The following TENM3 variants were observed in gnomAD, a reference collection of about 807,000 sequenced individuals.
The protein encoded by TENM3 is teneurin transmembrane protein 3.
Under a neutral mutation model 255.1 loss-of-function variants are expected in TENM3, and 63 were observed. The ratio of observed to expected loss-of-function variants is 0.25; its 90% CI spans 0.20 to 0.30. The LOEUF (loss-of-function observed/expected upper bound fraction) is 0.30, where lower values mean the gene tolerates loss of function less well. Among genes scored for constraint, TENM3 ranks in the 10% least tolerant of loss-of-function variants. The probability of loss-of-function intolerance (pLI) is 1.00; values close to 1 mark genes in which losing one functional copy is unlikely to be tolerated. For missense variants in TENM3, 2,929 were observed against 3,461.1 expected (o/e 0.85, Z 3.86); for synonymous variants, 1,306 against 1,322.3 (o/e 0.99, Z 0.27).
chr4:182,683,476 ATAT>A (rs1364980355), intron 11 of TENM3, among the ~76,000 whole-genome samples: 2 of 152,160 alleles, frequency 1.3e-5, no homozygotes, highest in African/African-American at 4.8e-5. Flanking sequence ...TATTCTGCAA[ATAT>A]TATAACATCT....
the TENM3 span, among the ~76,000 whole-genome samples, chr4:181,512,807 G>T: frequency 6.6e-6 from 1 of 152,172 alleles, no homozygotes; most frequent in African/African-American, 2.4e-5. Context: ...CAGTTCCTAT[G>T]TAATGCATCA....
intron 1 of TENM3, among the ~76,000 whole-genome samples, chr4:182,235,189 A>G (rs1352779095): frequency 6.6e-6 from 1 of 152,160 alleles, no homozygotes; most frequent in Non-Finnish European, 1.5e-5. Flanking sequence ...GGGATGCCAA[A>G]CACTTGTGCT....
intron 3 of TENM3, among the ~76,000 whole-genome samples, chr4:182,544,464 G>A (rs911413384): frequency 6.6e-6 from 1 of 150,810 alleles, no homozygotes; most frequent in Non-Finnish European, 1.5e-5. Context: ...TCGAGTAGCC[G>A]GGATTACAGG....
At chr4:181,982,190 C>T in the TENM3 span, among the ~76,000 whole-genome samples, 1 of 152,082 alleles carries the variant, frequency 6.6e-6, no homozygotes, top group Admixed American at 6.6e-5. Flanking sequence ...GAGATGATTT[C>T]AGAGGAAGGA....
chr4:181,632,695 T>C, the TENM3 span, among the ~76,000 whole-genome samples: 1 of 152,274 alleles, frequency 6.6e-6, no homozygotes, highest in South Asian at 2.1e-4. Context: ...AGTAGATGTT[T>C]ATCTGGGGTA....
At chr4:182,069,873 A>C in the TENM3 span, among the ~76,000 whole-genome samples, 1 of 152,216 alleles carries the variant, frequency 6.6e-6, no homozygotes, top group Non-Finnish European at 1.5e-5. Flanking sequence ...AGGTAAGGAC[A>C]GCCAGTTAAA....
intron 1 of TENM3, among the ~76,000 whole-genome samples, chr4:182,203,217 C>CAAAA (rs1165540899): frequency 3.1e-5 from 4 of 130,796 alleles, no homozygotes; most frequent in Non-Finnish European, 6.6e-5. Context: ...AACTCCATCT[C>CAAAA]AAAAAAAAAA....
the TENM3 span, among the ~76,000 whole-genome samples, chr4:181,592,664 T>TC: frequency 8.2e-6 from 1 of 121,258 alleles, no homozygotes; most frequent in African/African-American, 2.7e-5. Flanking sequence ...AAATCTCTCT[T>TC]TTTTTTTTTT....
chr4:181,701,023 T>C, the TENM3 span, among the ~76,000 whole-genome samples: 1 of 152,150 alleles, frequency 6.6e-6, no homozygotes, highest in Non-Finnish European at 1.5e-5. Flanking sequence ...ACTACAGAGG[T>C]GAAAGTGGTG....
intron 1 of TENM3, among the ~76,000 whole-genome samples, chr4:182,214,416 CTT>C (rs1467548518): frequency 1.3e-5 from 2 of 152,100 alleles, no homozygotes; most frequent in East Asian, 3.8e-4. Context: ...GACATAAAGA[CTT>C]ATTATTTTCC....
chr4:182,613,431 T>C (rs1376513771), intron 4 of TENM3, among the ~76,000 whole-genome samples: 1 of 152,172 alleles, frequency 6.6e-6, no homozygotes, highest in Non-Finnish European at 1.5e-5. Context: ...ACAATACTTA[T>C]AATGGGATTT....
intron 22 of TENM3, among the ~76,000 whole-genome samples, chr4:182,768,427 T>C (rs1579419775): frequency 6.6e-6 from 1 of 152,204 alleles, no homozygotes; most frequent in African/African-American, 2.4e-5. Context: ...CAGATGAGCA[T>C]CTACTGAAGA....
the TENM3 span, among the ~76,000 whole-genome samples, chr4:181,767,142 CT>C: frequency 7.8e-3 from 1,151 of 147,186 alleles, 6 homozygotes; most frequent in Middle Eastern, 0.028. Context: ...GTCCCAGCTA[CT>C]CGGGAGGCTG....
At chr4:181,585,360 C>G in the TENM3 span, among the ~76,000 whole-genome samples, 5 of 152,178 alleles carry the variant, frequency 3.3e-5, no homozygotes, top group Admixed American at 2.6e-4. Flanking sequence ...TATATCGCAG[C>G]CTGAAGCTTT....
intron 22 of TENM3, among the ~76,000 whole-genome samples, chr4:182,766,780 C>T (rs867472593): frequency 2.6e-5 from 4 of 152,214 alleles, no homozygotes; most frequent in African/African-American, 9.6e-5. Flanking sequence ...GACTGCTACC[C>T]TTTCTGGTTT....
chr4:181,574,826 A>C, the TENM3 span, among the ~76,000 whole-genome samples: 1 of 152,188 alleles, frequency 6.6e-6, no homozygotes, highest in East Asian at 1.9e-4. Context: ...AAATGTACTA[A>C]AGAAGGTACA....
At chr4:182,094,338 C>T in the TENM3 span, among the ~76,000 whole-genome samples, 1 of 152,090 alleles carries the variant, frequency 6.6e-6, no homozygotes, top group Non-Finnish European at 1.5e-5. Flanking sequence ...CTCCACCTCC[C>T]GGCTTCAAGC....
chr4:182,524,086 T>A (rs1738870599), intron 3 of TENM3, among the ~76,000 whole-genome samples: 1 of 152,210 alleles, frequency 6.6e-6, no homozygotes, highest in Non-Finnish European at 1.5e-5. Context: ...GTCACTTTCC[T>A]GTAACTTGGA....
At chr4:182,347,999 T>A (rs141065947) in intron 3 of TENM3, among the ~76,000 whole-genome samples, 1 of 152,220 alleles carries the variant, frequency 6.6e-6, no homozygotes, top group African/African-American at 2.4e-5. Flanking sequence ...GATCTATTGT[T>A]AGCTTTCAGT....
Sources: gnomAD v4.1 joint callset for allele counts (sites outside exome capture counted in the v4.1 genomes callset) on GRCh38, gnomAD v4.1.1 for gene constraint, MANE v1.5 for transcripts, NCBI Gene and HGNC (gene_info 2026-07-23, HGNC 2026-07-21) for gene names.